UTRN: variants seen among roughly 807,000 people sequenced by gnomAD.
The protein encoded by UTRN is utrophin, also known as dystrophin-related protein 1.
A neutral mutation model predicts 463.9 loss-of-function variants in UTRN; 283 were observed. That is an observed-to-expected ratio of 0.61 (90% CI 0.55 to 0.67). The LOEUF (loss-of-function observed/expected upper bound fraction) is 0.67. Among genes scored for constraint, UTRN ranks in the 30% least tolerant of loss-of-function variants. UTRN has a pLI of 0.00. For synonymous variants in UTRN, 1,442 were observed against 1,431.5 expected, an observed-to-expected ratio of 1.01 and a Z score of -0.17; for missense variants, 3,922 against 4,084.3, an observed-to-expected ratio of 0.96 and a Z score of 1.08.
intron 51 of UTRN, among the ~76,000 whole-genome samples, chr6:144,652,054 TA>T (rs1335376812): frequency 6.6e-6 from 1 of 152,206 alleles, no homozygotes; most frequent in African/African-American, 2.4e-5. Flanking sequence ...ATTTTAAAGT[TA>T]AAACACTCTC....
At chr6:144,509,450 G>A (rs114551921) in intron 34 of UTRN, among the ~76,000 whole-genome samples, 2,169 of 151,924 alleles carry the variant, frequency 0.014, 36 homozygotes, top group African/African-American at 0.037. Context: ...AAGACTCAAA[G>A]CAATGAAAAA....
intron 51 of UTRN, among the ~76,000 whole-genome samples, chr6:144,636,746 A>T (rs1205872386): frequency 2.0e-5 from 3 of 152,200 alleles, no homozygotes; most frequent in African/African-American, 7.2e-5. Flanking sequence ...CTTGCAGTAT[A>T]GCATTTACAT....
chr6:144,438,671 G>A (rs941966504), intron 11 of UTRN, 74 bp from the exon 12 acceptor site: 8 of 1,573,316 alleles, frequency 5.1e-6, no homozygotes, highest in South Asian at 2.3e-5. Flanking sequence ...CTGTATCTCC[G>A]GTGCCCAGAA....
chr6:144,433,440 G>A (rs1187566213), intron 9 of UTRN, among the ~76,000 whole-genome samples: 1 of 151,780 alleles, frequency 6.6e-6, no homozygotes, highest in African/African-American at 2.4e-5. Context: ...GTGGCTGCCG[G>A]GCGGAGGGGC....
At chr6:144,743,450 A>T (rs1790332039) in intron 54 of UTRN, among the ~76,000 whole-genome samples, 1 of 152,212 alleles carries the variant, frequency 6.6e-6, no homozygotes, top group Non-Finnish European at 1.5e-5. Context: ...CTCTACTATC[A>T]AGATTTCTTT....
chr6:144,522,108 T>G lies in UTRN; in HGVS notation c.5670T>G (p.Leu1890=), dbSNP rs754399730. 1 of 1,585,838 alleles carries G rather than the reference T, an allele frequency of 6.3e-7. No homozygotes were observed. The highest frequency in any genetic ancestry group is 2.4e-5 in the East Asian group (1 of 41,968). The part of the protein sequence containing the change: ...LLCMDDVELS[L]NVPELNTAIY... ...GCATGGATGATGTTGAATTATCGCT[T>G]AATGTTCCAGAGCTCAACACTGCTA... The change falls in exon 40 of 75, where the codon CTT becomes CTG. Residue 1890 remains leucine (L), a synonymous_variant. Coordinates refer to ENST00000367545, the MANE Select transcript of UTRN (RefSeq NM_007124.3).
intron 66 of UTRN, among the ~76,000 whole-genome samples, chr6:144,826,183 A>AATAAATAAATAAATAAATAT (rs1171373069): frequency 6.6e-6 from 1 of 151,296 alleles, no homozygotes; most frequent in Non-Finnish European, 1.5e-5. Flanking sequence ...TAAATAAATA[A>AATAAATAAATAAATAAATAT]ATAAATGCCT....
At chr6:144,461,948 G>A (rs1447258535) in intron 22 of UTRN, among the ~76,000 whole-genome samples, 3 of 152,052 alleles carry the variant, frequency 2.0e-5, no homozygotes, top group African/African-American at 7.3e-5. Flanking sequence ...AGGGGTACTT[G>A]TGCAGGATGT....
intron 51 of UTRN, among the ~76,000 whole-genome samples, chr6:144,603,231 T>A (rs1562635198): frequency 6.6e-6 from 1 of 152,234 alleles, no homozygotes; most frequent in East Asian, 1.9e-4. Context: ...TTTGATCTTA[T>A]AAGGTTGCAA....
chr6:144,511,887 AT>A (rs991655132), intron 35 of UTRN, among the ~76,000 whole-genome samples: 1 of 152,086 alleles, frequency 6.6e-6, no homozygotes, highest in East Asian at 1.9e-4. Context: ...GTCATTTATA[AT>A]TTTTTTTAAT....
intron 51 of UTRN, among the ~76,000 whole-genome samples, chr6:144,591,947 G>A (rs1205487094): frequency 1.3e-5 from 2 of 152,098 alleles, no homozygotes; most frequent in Admixed American, 6.6e-5. Context: ...TTTACTCTGG[G>A]TTCAGAATTT....
Position 144,421,973 on chromosome 6 carries a change from G to A in UTRN, c.234+3G>A. Reference sequence around the variant, plus strand: ...AAGGCCTCACAGGAACATCACTGGTGAGCAAGTCATCTTTGTAAACAACGG... The same window carrying A: ...AAGGCCTCACAGGAACATCACTGGTAAGCAAGTCATCTTTGTAAACAACGG... On this transcript the variant is annotated splice_donor_region_variant and intron_variant, in intron 4 of 74. Transcript: ENST00000367545. 1 of 1,607,412 alleles carries A rather than the reference G, an allele frequency of 6.2e-7. No individual in the cohort carries two copies. The highest frequency in any genetic ancestry group is 1.1e-5 in the South Asian group (1 of 89,944).
Position 144,516,801 on chromosome 6 carries a change from A to T in UTRN, c.5404-10A>T, listed in dbSNP as rs557583814. On this transcript the variant is annotated splice_polypyrimidine_tract_variant and intron_variant, in intron 38 of 74. Transcript: ENST00000367545. The stretch of plus-strand genomic sequence containing the variant: ...TTTGAGTCATTTTTTTTTTCCTTTT[A>T]AAAATTTAGATGGATGAGGAGAGTG... 6.6e-5 allele frequency: 95 copies of T among 1,435,118 alleles called. No homozygotes were observed. The highest frequency in any genetic ancestry group is 1.0e-4 in the East Asian group (4 of 38,332). The allele number at this position is 1,435,118 out of a possible 1,614,324, so 88.9% of individuals were successfully genotyped here. A position where few individuals can be genotyped will look rare whatever the true frequency, so the allele number is the denominator to read the frequency against.
chr6:144,617,546 A>C (rs2128645734), intron 51 of UTRN, among the ~76,000 whole-genome samples: 1 of 152,268 alleles, frequency 6.6e-6, no homozygotes, highest in South Asian at 2.1e-4. Context: ...GTATTGATTT[A>C]TGTTTGCTTT....
intron 2 of UTRN, among the ~76,000 whole-genome samples, chr6:144,370,711 G>A (rs9484870): frequency 0.068 from 10,279 of 152,168 alleles, 1,153 homozygotes; most frequent in African/African-American, 0.23. Flanking sequence ...ATGCCAGCCC[G>A]TGAAAGCAGC....
chr6:144,424,685 C>T (rs1210350348), intron 6 of UTRN, among the ~76,000 whole-genome samples: 1 of 152,192 alleles, frequency 6.6e-6, no homozygotes, highest in Non-Finnish European at 1.5e-5. Context: ...AATTTCACAT[C>T]TAGAAAAGTT....
In UTRN at chr6:144,286,840, G is replaced by C. The variant is rs1803713282; in HGVS notation, c.-93+1019G>C. The stretch of plus-strand genomic sequence containing the variant: ...TGCAGAGCTCGGGTTCTAACTCCAC[G>C]GCCCCGCTCTCTGAGGTGTTCAGGA... On this transcript the variant is annotated intron_variant, in intron 1 of 74. Coordinates refer to ENST00000367545, the MANE Select transcript of UTRN (RefSeq NM_007124.3). This position sits in a 1 kb window ranked among gnomAD's most constrained non-coding sequence, Gnocchi z 4.4. 6.6e-6 allele frequency among the ~76,000 whole-genome samples: 1 copy of C among 151,682 alleles called. No homozygotes were observed. Among genetic ancestry groups the C allele is most frequent in the African/African-American group, 2.4e-5 (1 of 41,246 alleles).
intron 2 of UTRN, among the ~76,000 whole-genome samples, chr6:144,368,775 A>G (rs1779730596): frequency 6.6e-6 from 1 of 152,176 alleles, no homozygotes; most frequent in African/African-American, 2.4e-5. Flanking sequence ...AAAAAAGAAA[A>G]AAAAAGGATT....
chr6:144,719,654 G>A (rs774692701), intron 53 of UTRN, among the ~76,000 whole-genome samples: 1 of 152,160 alleles, frequency 6.6e-6, no homozygotes, highest in Non-Finnish European at 1.5e-5. Flanking sequence ...AAATAGCTTG[G>A]CATGTTCTCG....
Sources: allele counts gnomAD v4.1 joint callset (sites outside exome capture counted in the v4.1 genomes callset), GRCh38; gene constraint gnomAD v4.1.1; non-coding constraint Gnocchi (gnomAD v3.1); transcripts MANE v1.5; gene names NCBI Gene and HGNC (gene_info 2026-07-23, HGNC 2026-07-21).